Variants in GRM7 observed in about 807,000 individuals in gnomAD.
GRM7 encodes the protein metabotropic glutamate receptor 7.
GRM7 carries 35 observed loss-of-function variants against 84.5 expected under a neutral mutation model. The ratio of observed to expected loss-of-function variants is 0.41; its 90% CI spans 0.32 to 0.55. The LOEUF (loss-of-function observed/expected upper bound fraction) is 0.55, where lower values mean the gene tolerates loss of function less well. GRM7 is among the 20% of genes least tolerant of loss of function. GRM7 has a pLI of 0.19. For synonymous variants in GRM7, 487 were observed against 455.1 expected (o/e 1.07, Z -0.89); for missense variants, 1,003 against 1,194.6 (o/e 0.84, Z 2.36).
chr3:7,685,299 ATCACAG>A (rs1386858350), intron 9 of GRM7, among the ~76,000 whole-genome samples: 1 of 152,184 alleles, frequency 6.6e-6, no homozygotes, highest in Non-Finnish European at 1.5e-5. Context: ...TTAGTAAAAG[ATCACAG>A]TGAAGAGAGG....
chr3:6,981,586 C>T (rs993270477), intron 1 of GRM7, among the ~76,000 whole-genome samples: 3 of 152,158 alleles, frequency 2.0e-5, no homozygotes, highest in East Asian at 1.9e-4. Flanking sequence ...AGGCACCTTC[C>T]GCACAGGTGA....
intron 8 of GRM7, among the ~76,000 whole-genome samples, chr3:7,622,601 A>G (rs184238810): frequency 2.3e-4 from 35 of 152,176 alleles, no homozygotes; most frequent in African/African-American, 7.5e-4. Flanking sequence ...TGGAATTGAC[A>G]TATTTTCAAG....
intron 1 of GRM7, among the ~76,000 whole-genome samples, chr3:7,002,807 A>G (rs1269300412): frequency 6.6e-6 from 1 of 152,224 alleles, no homozygotes; most frequent in East Asian, 1.9e-4. Context: ...TTTAAGTACT[A>G]TTGATAATAG....
At chr3:7,228,860 G>A (rs1697068886) in intron 2 of GRM7, among the ~76,000 whole-genome samples, 2 of 152,202 alleles carry the variant, frequency 1.3e-5, no homozygotes, top group Admixed American at 1.3e-4. Context: ...AAGTATAATA[G>A]CTTTGATAAT....
At chr3:7,354,834 C>G (rs973869957) in intron 4 of GRM7, among the ~76,000 whole-genome samples, 5 of 152,220 alleles carry the variant, frequency 3.3e-5, no homozygotes, top group African/African-American at 1.2e-4. Context: ...TGCTCCATAT[C>G]TGCCTATAAG....
intron 8 of GRM7, among the ~76,000 whole-genome samples, chr3:7,659,090 T>G (rs560391091): frequency 2.6e-5 from 4 of 152,236 alleles, no homozygotes; most frequent in Non-Finnish European, 5.9e-5. Flanking sequence ...CTCATATTTC[T>G]GTTGAGCTGT....
At chr3:6,867,980 A>G (rs1271988092) in intron 1 of GRM7, among the ~76,000 whole-genome samples, 1 of 152,228 alleles carries the variant, frequency 6.6e-6, no homozygotes, top group Admixed American at 6.5e-5. Flanking sequence ...ATGAATTTCA[A>G]TGATATAGGA....
intron 4 of GRM7, among the ~76,000 whole-genome samples, chr3:7,334,285 T>TG (rs760017773): frequency 1.1e-4 from 16 of 152,118 alleles, no homozygotes; most frequent in Non-Finnish European, 1.0e-4. Flanking sequence ...AGGAAGGGAT[T>TG]GGGGTCCTAT....
chr3:6,870,533 T>C (rs2124941436), intron 1 of GRM7, among the ~76,000 whole-genome samples: 1 of 152,286 alleles, frequency 6.6e-6, no homozygotes, highest in South Asian at 2.1e-4. Flanking sequence ...TTACTCTAAA[T>C]GTTGGCAGCC....
At chr3:7,433,824 A>G (rs1696932666) in intron 5 of GRM7, among the ~76,000 whole-genome samples, 1 of 152,216 alleles carries the variant, frequency 6.6e-6, no homozygotes, top group Admixed American at 6.5e-5. Flanking sequence ...TGTGATAAAA[A>G]TGCTCTCATC....
At chr3:7,008,972 A>G (rs892460567) in intron 1 of GRM7, among the ~76,000 whole-genome samples, 1 of 152,216 alleles carries the variant, frequency 6.6e-6, no homozygotes, top group African/African-American at 2.4e-5. Flanking sequence ...TGAGGCTCAG[A>G]TGAAATAATG....
intron 1 of GRM7, among the ~76,000 whole-genome samples, chr3:6,875,789 T>C (rs1695280248): frequency 6.6e-6 from 1 of 152,180 alleles, no homozygotes; most frequent in African/African-American, 2.4e-5. Context: ...GAACCATAAA[T>C]TGGTTTTCTA....
chr3:7,622,563 A>T (rs955675776), intron 8 of GRM7, among the ~76,000 whole-genome samples: 5 of 152,066 alleles, frequency 3.3e-5, no homozygotes, highest in African/African-American at 1.2e-4. Flanking sequence ...GGCGAGAGGC[A>T]TGTGACACTG....
At chr3:7,656,638 G>A (rs554907981) in intron 8 of GRM7, among the ~76,000 whole-genome samples, 3 of 151,948 alleles carry the variant, frequency 2.0e-5, no homozygotes, top group Admixed American at 6.6e-5. Context: ...GGGGTAGGGA[G>A]GTTAAAGTCT....
At chr3:6,956,237 T>C (rs554796539) in intron 1 of GRM7, among the ~76,000 whole-genome samples, 3 of 152,284 alleles carry the variant, frequency 2.0e-5, no homozygotes, top group African/African-American at 7.2e-5. Flanking sequence ...TGCATTGTAG[T>C]CGGAAAGATT....
chr3:7,138,697 A>G lies in GRM7; in HGVS notation c.520-7755A>G, dbSNP rs546246186. On this transcript the variant is annotated intron_variant, in intron 1 of 9. Transcript: ENST00000357716. The stretch of plus-strand genomic sequence containing the variant: ...TTTTTTTTCACAATTTCTTTAAATC[A>G]GCAAAAGGAAAATTAATTTAGATAT... Among the ~76,000 whole-genome samples the G allele has an allele frequency of 1.6e-3, 244 of 151,972 alleles. 1 individual carries two copies. The highest frequency in any genetic ancestry group is 5.6e-3 in the African/African-American group (233 of 41,536).
intron 1 of GRM7, among the ~76,000 whole-genome samples, chr3:6,935,751 A>C (rs183497145): frequency 6.6e-6 from 1 of 151,232 alleles, no homozygotes; most frequent in East Asian, 1.9e-4. Context: ...GCTGGAGTGC[A>C]ATGGTGAGAT....
chr3:7,212,788 A>G (rs1312556092), intron 2 of GRM7, among the ~76,000 whole-genome samples: 1 of 152,212 alleles, frequency 6.6e-6, no homozygotes, highest in Non-Finnish European at 1.5e-5. Flanking sequence ...ACTAAAAGTG[A>G]GATTTTATTG....
chr3:7,359,627 C>T (rs1367553675), intron 4 of GRM7, among the ~76,000 whole-genome samples: 1 of 148,132 alleles, frequency 6.8e-6, no homozygotes, highest in Non-Finnish European at 1.5e-5. Context: ...CGCTGAGCCA[C>T]CATGCCAGGT....
Sources: allele counts gnomAD v4.1 joint callset (sites outside exome capture counted in the v4.1 genomes callset), GRCh38; gene constraint gnomAD v4.1.1; transcripts MANE v1.5; gene names NCBI Gene and HGNC (gene_info 2026-07-23, HGNC 2026-07-21).